CDIN1: variants seen among roughly 807,000 people sequenced by gnomAD.
The protein encoded by CDIN1 is CDAN1-interacting nuclease 1.
CDIN1 carries 33 observed loss-of-function variants against 45.3 expected under a neutral mutation model. The observed-to-expected ratio is 0.73, with a 90% CI of 0.55 to 0.97. The LOEUF is 0.97. Ranked by LOEUF, CDIN1 falls within the 50% of genes least tolerant of loss-of-function variation. The probability of loss-of-function intolerance (pLI) is 0.00; values close to 1 mark genes in which losing one functional copy is unlikely to be tolerated. For missense variants in CDIN1, 303 were observed against 339.4 expected (o/e 0.89, Z 0.84); for synonymous variants, 118 against 124.4 (o/e 0.95, Z 0.34).
chr15:36,628,193 C>T (rs1437898590), intron 1 of CDIN1, among the ~76,000 whole-genome samples: 1 of 152,090 alleles, frequency 6.6e-6, no homozygotes, highest in Non-Finnish European at 1.5e-5. Flanking sequence ...CCTAAAAATT[C>T]CGTTAGCCCT....
At chr15:36,747,205 T>C (rs2140959040) in intron 10 of CDIN1, 2 of 383,084 alleles carry the variant, frequency 5.2e-6, no homozygotes, top group East Asian at 7.4e-5. Flanking sequence ...ATGTTTGTTA[T>C]ATTATCTCTC....
At chr15:36,659,371 C>G (rs2040902157) in intron 5 of CDIN1, among the ~76,000 whole-genome samples, 1 of 151,998 alleles carries the variant, frequency 6.6e-6, no homozygotes, top group East Asian at 1.9e-4. Context: ...ATATCAGAAT[C>G]CTATAATTCC....
chr15:36,701,527 A>G (rs573978201), intron 8 of CDIN1, among the ~76,000 whole-genome samples: 5 of 152,298 alleles, frequency 3.3e-5, no homozygotes, highest in African/African-American at 1.2e-4. Context: ...AGCGCATACA[A>G]AAGACTGAAG....
intron 5 of CDIN1, chr15:36,668,332 T>C (rs1230877068): frequency 6.6e-6 from 1 of 152,182 alleles, no homozygotes; most frequent in Non-Finnish European, 1.5e-5. Context: ...CTTTATAGTT[T>C]ATAAGAAGTT....
In CDIN1 at chr15:36,602,520, T is replaced by C. The variant is rs16963663; in HGVS notation, c.101+22559T>C. On this transcript the variant is annotated intron_variant, in intron 1 of 10. Coordinates refer to ENST00000566621, the MANE Select transcript of CDIN1 (RefSeq NM_001321759.2). ...TGACCATAAATTCTAGAGACATAATTATTTTGCCATGTGTTATAATTCAAT... is the reference window on the plus strand; with the variant it reads ...TGACCATAAATTCTAGAGACATAATCATTTTGCCATGTGTTATAATTCAAT... Among the ~76,000 whole-genome samples, 1,244 of 152,300 alleles carry C rather than the reference T, an allele frequency of 8.2e-3. 28 individuals are homozygous for C. The highest frequency in any genetic ancestry group is 0.028 in the African/African-American group (1,159 of 41,544).
intron 1 of CDIN1, among the ~76,000 whole-genome samples, chr15:36,607,903 A>T (rs2038456633): frequency 6.6e-6 from 1 of 152,138 alleles, no homozygotes; most frequent in South Asian, 2.1e-4. Flanking sequence ...GCGATCACTA[A>T]TCTACTAGAT....
At chr15:36,703,880 ACAGT>A (rs762428673) in intron 8 of CDIN1, among the ~76,000 whole-genome samples, 9 of 152,186 alleles carry the variant, frequency 5.9e-5, no homozygotes, top group South Asian at 4.1e-4. Flanking sequence ...ACAAAGGCTA[ACAGT>A]CAATCTTTCC....
At chr15:36,596,186 C>A (rs2037822387) in intron 1 of CDIN1, among the ~76,000 whole-genome samples, 1 of 28,644 alleles carries the variant, frequency 3.5e-5, no homozygotes, top group South Asian at 1.3e-3. Flanking sequence ...AAAAAAAAAG[C>A]TCATTTTTTT....
In CDIN1 at chr15:36,602,555, TC is replaced by T. The variant is rs2038156609; in HGVS notation, c.101+22596del. Among the ~76,000 whole-genome samples, 4 of 152,198 alleles carry T rather than the reference TC, an allele frequency of 2.6e-5. No homozygotes were observed. In the South Asian group the frequency reaches 8.3e-4, roughly 31 times the overall value. On this transcript the variant is annotated intron_variant, in intron 1 of 10. Transcript: ENST00000566621. ...TGTGTTATAATTCAATAACAATAAA[TC>T]CTTTATTGTATTTATCTGTGTTTCT...
At chr15:36,669,816 G>A (rs2041381212) in intron 5 of CDIN1, among the ~76,000 whole-genome samples, 1 of 152,088 alleles carries the variant, frequency 6.6e-6, no homozygotes. Flanking sequence ...ATAAGGTGAA[G>A]TTCCCTTATC....
chr15:36,760,388 A>G (rs1039853350), intron 10 of CDIN1, among the ~76,000 whole-genome samples: 1 of 152,186 alleles, frequency 6.6e-6, no homozygotes, highest in Admixed American at 6.5e-5. Flanking sequence ...TCCTTTTAAT[A>G]TTCAACTAAA....
intron 10 of CDIN1, among the ~76,000 whole-genome samples, chr15:36,739,773 C>T (rs72706799): frequency 0.16 from 23,824 of 152,140 alleles, 2,347 homozygotes; most frequent in East Asian, 0.29. Context: ...CTCCTATTAC[C>T]ATTTTGATTA....
At chr15:36,715,977 T>C (rs919654378) in intron 10 of CDIN1, among the ~76,000 whole-genome samples, 10 of 152,194 alleles carry the variant, frequency 6.6e-5, no homozygotes, top group African/African-American at 2.4e-4. Context: ...TCTGCCATCA[T>C]TCATTGGTTT....
chr15:36,604,444 C>CACACACAG (rs1297719689), intron 1 of CDIN1, among the ~76,000 whole-genome samples: 230 of 151,656 alleles, frequency 1.5e-3, no homozygotes, highest in Non-Finnish European at 2.7e-3. Context: ...CACACACACA[C>CACACACAG]ACACACACAC....
At chr15:36,717,949 CTTATGT>C (rs1236780195) in intron 10 of CDIN1, among the ~76,000 whole-genome samples, 1 of 151,938 alleles carries the variant, frequency 6.6e-6, no homozygotes, top group Non-Finnish European at 1.5e-5. Context: ...AGAATCTTTT[CTTATGT>C]TTATTTGCTG....
intron 1 of CDIN1, among the ~76,000 whole-genome samples, chr15:36,609,468 A>G (rs4616254): frequency 0.092 from 14,042 of 152,230 alleles, 741 homozygotes; most frequent in Middle Eastern, 0.13. Context: ...CTTAAAATGA[A>G]AAAACTTAAA....
intron 10 of CDIN1, among the ~76,000 whole-genome samples, chr15:36,777,825 G>T (rs1362468637): frequency 6.6e-6 from 1 of 152,160 alleles, no homozygotes; most frequent in African/African-American, 2.4e-5. Flanking sequence ...TGCACAGGCT[G>T]GTCTCGAACT....
chr15:36,610,335 C>G lies in CDIN1; in HGVS notation c.101+30374C>G, dbSNP rs569300674. ...TTGTCACTTTGCTTCTTTTAAGTGA[C>G]TTAAGCAAGGTAGATTCTTAAATTG... On this transcript the variant is annotated intron_variant, in intron 1 of 10. Coordinates refer to ENST00000566621, the MANE Select transcript of CDIN1 (RefSeq NM_001321759.2). Among the ~76,000 whole-genome samples the G allele has an allele frequency of 1.1e-4, 16 of 152,272 alleles. 1 individual carries two copies. The South Asian group carries it at 3.1e-3, about 30-fold the overall frequency.
chr15:36,734,026 A>T (rs1282699703), intron 10 of CDIN1, among the ~76,000 whole-genome samples: 2 of 152,276 alleles, frequency 1.3e-5, no homozygotes, highest in East Asian at 3.9e-4. Flanking sequence ...GTCATCCATG[A>T]AGCTATTATA....
Sources: allele counts gnomAD v4.1 joint callset (sites outside exome capture counted in the v4.1 genomes callset), GRCh38; gene constraint gnomAD v4.1.1; transcripts MANE v1.5; gene names NCBI Gene and HGNC (gene_info 2026-07-23, HGNC 2026-07-21).